Variants in HTR1D observed in about 807,000 individuals in gnomAD.
HTR1D encodes the protein 5-HT-1D.
HTR1D carries 18 observed loss-of-function variants against 21.1 expected under a neutral mutation model. The observed-to-expected ratio is 0.85, with a 90% CI of 0.59 to 1.27. HTR1D has a LOEUF of 1.27. HTR1D is among the 50% of genes most tolerant of loss of function. The probability of loss-of-function intolerance (pLI) is 0.00; values close to 1 mark genes in which losing one functional copy is unlikely to be tolerated. For synonymous variants in HTR1D, 196 were observed against 204.4 expected (o/e 0.96, Z 0.35); for missense variants, 456 against 481.4 (o/e 0.95, Z 0.49).
intron 1 of HTR1D, among the ~76,000 whole-genome samples, chr1:23,212,908 C>A (rs995124517): frequency 3.3e-5 from 5 of 151,822 alleles, no homozygotes; most frequent in Non-Finnish European, 7.4e-5. Context: ...CTCACTGCAA[C>A]CTCTGCCTCC....
At chr1:23,198,903 A>G (rs931392838) in intron 1 of HTR1D, among the ~76,000 whole-genome samples, 21 of 152,296 alleles carry the variant, frequency 1.4e-4, no homozygotes, top group South Asian at 6.2e-4. Context: ...AAAAGTTTCA[A>G]TTATGTTCTT....
Position 23,193,118 on chromosome 1 carries a change from GA to G in HTR1D, c.1101del (p.Gln368ArgfsTer15), listed in dbSNP as rs759370410. 9 of 1,610,508 alleles carry G rather than the reference GA, an allele frequency of 5.6e-6. No homozygotes were observed. In the East Asian group the frequency reaches 2.0e-4, roughly 36 times the overall value. On this transcript the variant is annotated frameshift_variant, in exon 2 of 2. Transcript: ENST00000374619. LOFTEE classifies it high-confidence loss of function. Reference protein sequence around the residue: ...TVFNEEFRQAFQKIVPFRKAS With the variant: ...TVFNEEFRQAXQKIVPFRKAS ...GCCTTCCGGAAAGGGACAATTTTCT[GA>G]AAAGCTTGCCGAAACTCTTCATTAA...
intron 1 of HTR1D, among the ~76,000 whole-genome samples, chr1:23,213,479 A>AAAAACAAAAC (rs71575746): frequency 0.3 from 45,225 of 150,898 alleles, 7,268 homozygotes; most frequent in South Asian, 0.48. Flanking sequence ...GACTCCGTCT[A>AAAAACAAAAC]AAAACAAAAC....
chr1:23,198,203 C>CA (rs764969891), intron 1 of HTR1D, among the ~76,000 whole-genome samples: 159 of 140,096 alleles, frequency 1.1e-3, no homozygotes, highest in East Asian at 2.3e-3. Context: ...ACTAAAAATA[C>CA]AAAAAAAAAA....
At chr1:23,205,873 A>G (rs954341023) in intron 1 of HTR1D, among the ~76,000 whole-genome samples, 2 of 151,846 alleles carry the variant, frequency 1.3e-5, no homozygotes, top group East Asian at 1.9e-4. Flanking sequence ...GATTCTGTCC[A>G]TTCTACTGCC....
Position 23,214,364 on chromosome 1 carries a change from T to C in HTR1D, c.-783+2927A>G, listed in dbSNP as rs149829694. On this transcript the variant is annotated intron_variant, in intron 1 of 1. Coordinates refer to ENST00000374619, the MANE Select transcript of HTR1D (RefSeq NM_000864.5). ...ATGTCTTGAGCCCAAAAGGTGGAAG[T>C]TGCAGTGAGCCCAGAGTGCACTGCT... Among the ~76,000 whole-genome samples the C allele has an allele frequency of 2.9e-3, 444 of 152,190 alleles. 6 individuals carry two copies. The highest frequency in any genetic ancestry group is 1.0e-2 in the African/African-American group (415 of 41,512).
At chr1:23,195,867 C>G (rs963436538) in intron 1 of HTR1D, among the ~76,000 whole-genome samples, 1 of 151,970 alleles carries the variant, frequency 6.6e-6, no homozygotes, top group African/African-American at 2.4e-5. Context: ...CTAGCTCTGT[C>G]CCCCAGGCTA....
chr1:23,212,934 C>A (rs890079501), intron 1 of HTR1D, among the ~76,000 whole-genome samples: 5 of 151,948 alleles, frequency 3.3e-5, no homozygotes, highest in Admixed American at 6.6e-5. Flanking sequence ...TCAAGCGATT[C>A]TCCTGCCTCA....
chr1:23,197,311 C>T (rs1486966110), intron 1 of HTR1D, among the ~76,000 whole-genome samples: 1 of 152,220 alleles, frequency 6.6e-6, no homozygotes, highest in Non-Finnish European at 1.5e-5. Flanking sequence ...ATCTCCCCTC[C>T]TGCCTGCTAT....
Position 23,197,135 on chromosome 1 carries a change from T to A in HTR1D, c.-782-2134A>T, listed in dbSNP as rs140224556. Reference sequence around the variant, plus strand: ...AAGCATTCCAGTGACCTAATTTCAGTGAAAGGCGTGGGTTCAGAAAGGCTC... The same window carrying A: ...AAGCATTCCAGTGACCTAATTTCAGAGAAAGGCGTGGGTTCAGAAAGGCTC... On this transcript the variant is annotated intron_variant, in intron 1 of 1. Coordinates refer to ENST00000374619, the MANE Select transcript of HTR1D (RefSeq NM_000864.5). 1.5e-4 allele frequency among the ~76,000 whole-genome samples: 23 copies of A among 152,174 alleles called. No individual in the cohort carries two copies. In the East Asian group the frequency reaches 4.2e-3, roughly 28 times the overall value.
intron 1 of HTR1D, among the ~76,000 whole-genome samples, chr1:23,214,079 C>A (rs146637050): frequency 1.4e-3 from 219 of 152,294 alleles, no homozygotes; most frequent in Middle Eastern, 6.8e-3. Flanking sequence ...GAAATAACTT[C>A]TCTTGTAAGG....
In HTR1D at chr1:23,193,480, C is replaced by G. The variant is rs1397878780; in HGVS notation, c.740G>C (p.Gly247Ala). 4.3e-6 allele frequency: 7 copies of G among 1,613,960 alleles called. No homozygotes were observed. The highest frequency in any genetic ancestry group is 3.3e-5 in the Admixed American group (2 of 59,988). ...KRFTTAHLIT[G>A]SAGSSLCSLN... ...CGAGCAGAGCGAGGACCCGGCAGAG[C>G]CTGTGATGAGGTGGGCCGTGGTGAA... The change falls in exon 2 of 2, where the codon GGC (glycine) becomes GCC (alanine). Residue 247 changes from glycine (G) to alanine (A), a missense_variant. Gly to Ala is a moderately conservative substitution (Grantham distance 60). Coordinates refer to ENST00000374619, the MANE Select transcript of HTR1D (RefSeq NM_000864.5).
intron 1 of HTR1D, among the ~76,000 whole-genome samples, chr1:23,196,479 G>C (rs977576285): frequency 1.3e-5 from 2 of 150,186 alleles, no homozygotes; most frequent in South Asian, 2.1e-4. Context: ...AGCTAAACCT[G>C]CAATGCAGTA....
Position 23,193,404 on chromosome 1 carries a change from G to C in HTR1D, c.816C>G (p.Leu272=). Residue 272 remains leucine, a synonymous_variant, in exon 2 of 2, where the codon CTC becomes CTG. Coordinates refer to ENST00000374619, the MANE Select transcript of HTR1D (RefSeq NM_000864.5). The part of the protein sequence containing the change: ...EGHSHSAGSP[L]FFNHVKIKLA... The stretch of plus-strand genomic sequence containing the variant: ...GCTTGATTTTCACGTGGTTGAAAAA[G>C]AGAGGGGAGCCAGCCGAGTGCGAGT... 2 of 1,614,222 alleles carry C rather than the reference G, an allele frequency of 1.2e-6. No individual in the cohort carries two copies. The highest frequency in any genetic ancestry group is 2.2e-5 in the East Asian group (1 of 44,884).
At chr1:23,204,046 G>A (rs986037646) in intron 1 of HTR1D, among the ~76,000 whole-genome samples, 6 of 151,994 alleles carry the variant, frequency 3.9e-5, no homozygotes, top group Admixed American at 6.6e-5. Context: ...CTCCTCCTTC[G>A]CCTTTCACCA....
intron 1 of HTR1D, among the ~76,000 whole-genome samples, chr1:23,204,424 C>G (rs1334886572): frequency 1.3e-5 from 2 of 152,180 alleles, no homozygotes; most frequent in Non-Finnish European, 1.5e-5. Flanking sequence ...CATGCCCGGC[C>G]ACACTCATTT....
chr1:23,214,877 A>G (rs78779413), intron 1 of HTR1D, among the ~76,000 whole-genome samples: 1 of 152,108 alleles, frequency 6.6e-6, no homozygotes, highest in Non-Finnish European at 1.5e-5. Context: ...GCATACATGT[A>G]TGAGTCATGT....
In HTR1D at chr1:23,193,410, G is replaced by A; in HGVS notation, c.810C>T (p.Ser270=). The change falls in exon 2 of 2, where the codon TCC becomes TCT. Residue 270 remains serine (S), a synonymous_variant. Coordinates refer to ENST00000374619, the MANE Select transcript of HTR1D (RefSeq NM_000864.5). ...TTTTCACGTGGTTGAAAAAGAGAGG[G>A]GAGCCAGCCGAGTGCGAGTGCCCCT... ...LHEGHSHSAG[S]PLFFNHVKIK... 1 of 1,614,220 alleles carries A rather than the reference G, an allele frequency of 6.2e-7. No homozygotes were observed. The highest frequency in any genetic ancestry group is 8.5e-7 in the Non-Finnish European group (1 of 1,180,050).
intron 1 of HTR1D, among the ~76,000 whole-genome samples, chr1:23,203,114 G>A (rs557179449): frequency 6.6e-6 from 1 of 152,160 alleles, no homozygotes; most frequent in East Asian, 1.9e-4. Flanking sequence ...TGGCCAGGCT[G>A]GTCTCGAACT....
Sources: allele counts gnomAD v4.1 joint callset (sites outside exome capture counted in the v4.1 genomes callset), GRCh38; gene constraint gnomAD v4.1.1; transcripts MANE v1.5; gene names NCBI Gene and HGNC (gene_info 2026-07-23, HGNC 2026-07-21).